The following KCNQ4 variants were observed in gnomAD, a reference collection of about 807,000 sequenced individuals.
KCNQ4 encodes potassium voltage-gated channel subfamily KQT member 4.
KCNQ4 carries 31 observed loss-of-function variants against 72.6 expected under a neutral mutation model. The ratio of observed to expected loss-of-function variants is 0.43; its 90% CI spans 0.32 to 0.58. The LOEUF (loss-of-function observed/expected upper bound fraction) is 0.58, where lower values mean the gene tolerates loss of function less well. Ranked by LOEUF, KCNQ4 falls within the 20% of genes least tolerant of loss-of-function variation. The pLI is 0.08. For missense variants in KCNQ4, 869 were observed against 962.6 expected, an observed-to-expected ratio of 0.90 and a Z score of 1.29; for synonymous variants, 405 against 403.7, an observed-to-expected ratio of 1.00 and a Z score of -0.04.
At chr1:40,806,512 T>G (rs931687760) in intron 1 of KCNQ4, among the ~76,000 whole-genome samples, 4 of 152,196 alleles carry the variant, frequency 2.6e-5, no homozygotes, top group Admixed American at 2.0e-4. Flanking sequence ...TTGGGGCTGG[T>G]GCAGGTGGGA....
Position 40,820,252 on chromosome 1 carries a change from C to G in KCNQ4, c.1033C>G (p.Leu345Val). Residue 345 changes from leucine to valine, a missense_variant, in exon 7 of 14, where the codon CTC becomes GTC. This residue lies in a region of KCNQ4 where 480 missense variants were observed against 501.9 expected (regional missense o/e 0.96). Transcript: ENST00000347132. Reference protein sequence around the residue: ...FEKRRMPAANLIQAAWRLYST... With the variant: ...FEKRRMPAANVIQAAWRLYST... ...GAAGCGGAGGATGCCGGCAGCCAAC[C>G]TCATCCAGGTACAAGATGCCCGGGA... 6.2e-7 allele frequency: 1 copy of G among 1,604,266 alleles called. No individual in the cohort carries two copies. The highest frequency in any genetic ancestry group is 8.5e-7 in the Non-Finnish European group (1 of 1,175,560).
At chr1:40,830,228 C>T (rs1303360070) in intron 9 of KCNQ4, among the ~76,000 whole-genome samples, 5 of 152,126 alleles carry the variant, frequency 3.3e-5, no homozygotes, top group Non-Finnish European at 5.9e-5. Flanking sequence ...AACATGTTAT[C>T]AAATAGAGAC....
chr1:40,786,195 T>A (rs1323519985), intron 1 of KCNQ4, among the ~76,000 whole-genome samples: 1 of 152,086 alleles, frequency 6.6e-6, no homozygotes. Flanking sequence ...AACTGTGCCC[T>A]CCGTGGGCTC....
intron 1 of KCNQ4, among the ~76,000 whole-genome samples, chr1:40,802,543 C>G (rs778634599): frequency 6.6e-6 from 1 of 151,964 alleles, no homozygotes; most frequent in African/African-American, 2.4e-5. Flanking sequence ...CCGGCATGCC[C>G]CGCCCATTTC....
intron 9 of KCNQ4, among the ~76,000 whole-genome samples, chr1:40,830,583 G>GCA (rs151080834): frequency 2.0e-5 from 3 of 151,646 alleles, no homozygotes; most frequent in South Asian, 2.1e-4. Flanking sequence ...GTGCATGCGC[G>GCA]CACACACACA....
rs1313166338 is a variant in KCNQ4 at position 40,822,743 on chromosome 1, G to C, written c.1130+341G>C. Among the ~76,000 whole-genome samples, 6 of 152,340 alleles carry C rather than the reference G, an allele frequency of 3.9e-5. No individual in the cohort carries two copies. The East Asian group carries it at 1.2e-3, about 29-fold the overall frequency. On this transcript the variant is annotated intron_variant, in intron 8 of 13. Coordinates refer to ENST00000347132, the MANE Select transcript of KCNQ4 (RefSeq NM_004700.4). ...AGCTCGTCTCCCCTCAGTCCTGAATGGGGGACAGAGTTAGTGGATATTGCA... is the reference window on the plus strand; with the variant it reads ...AGCTCGTCTCCCCTCAGTCCTGAATCGGGGACAGAGTTAGTGGATATTGCA...
intron 1 of KCNQ4, among the ~76,000 whole-genome samples, chr1:40,800,595 G>GCCTTACCCA (rs1647544011): frequency 1.3e-5 from 2 of 152,236 alleles, no homozygotes; most frequent in African/African-American, 4.8e-5. Flanking sequence ...AGAACTCTCA[G>GCCTTACCCA]GCTTCACAGG....
At chr1:40,804,172 A>G (rs1647679615) in intron 1 of KCNQ4, among the ~76,000 whole-genome samples, 1 of 152,214 alleles carries the variant, frequency 6.6e-6, no homozygotes, top group African/African-American at 2.4e-5. Flanking sequence ...AAACTGGGCA[A>G]TGCTTGAACC....
In KCNQ4 at chr1:40,824,268, C is replaced by T. The variant is rs775175283; in HGVS notation, c.1292+10C>T. 1 of 1,604,516 alleles carries T rather than the reference C, an allele frequency of 6.2e-7. No individual in the cohort carries two copies. Among genetic ancestry groups the T allele is most frequent in the Non-Finnish European group, 8.5e-7 (1 of 1,176,996 alleles). The stretch of plus-strand genomic sequence containing the variant: ...TCTGCCCTGGGGAAAGGTAGGGGCC[C>T]CGTGGGGCTGCCACCTCCTCTTGCT... On this transcript the variant is annotated intron_variant, in intron 9 of 13. Transcript: ENST00000347132.
intron 7 of KCNQ4, 41 bp from the exon 8 acceptor site, chr1:40,822,273 C>A: frequency 6.7e-7 from 1 of 1,493,238 alleles, no homozygotes; most frequent in Non-Finnish European, 9.3e-7. Context: ...GACTGAGAGG[C>A]CTCACTGATG....
At chr1:40,818,752 A>G (rs563711293) in intron 4 of KCNQ4, 72 bp downstream of exon 4, 63 of 1,500,310 alleles carry the variant, frequency 4.2e-5, no homozygotes, top group Admixed American at 5.9e-5. Context: ...CAGGGCGGAG[A>G]GGGCGAGGTC....
intron 4 of KCNQ4, 111 bp from the exon 5 acceptor site, chr1:40,819,236 G>A: frequency 1.5e-6 from 2 of 1,343,442 alleles, no homozygotes; most frequent in Non-Finnish European, 2.1e-6. Context: ...AGAAAAGCGA[G>A]CCTGGGACTC....
chr1:40,802,286 C>A lies in KCNQ4; in HGVS notation c.315-14979C>A, dbSNP rs145523720. 3.9e-5 allele frequency among the ~76,000 whole-genome samples: 6 copies of A among 151,994 alleles called. No individual in the cohort carries two copies. In the East Asian group the frequency reaches 1.2e-3, roughly 30 times the overall value. On this transcript the variant is annotated intron_variant, in intron 1 of 13. Transcript: ENST00000347132. ...GCGGTGGCGTCGCGTCCCCCCTCTC[C>A]GCCCCTGGCCTCGGGGACGCGGCGG...
chr1:40,831,025 T>A, intron 9 of KCNQ4, 59 bp from the exon 10 acceptor site: 7 of 1,385,678 alleles, frequency 5.1e-6, no homozygotes, highest in Non-Finnish European at 7.0e-6. Flanking sequence ...TTGTCCCCAC[T>A]CACCCCCACC....
rs1357242128 is a variant in KCNQ4, at chr1:40,784,797, C to T, written c.314+390C>T. On this transcript the variant is annotated intron_variant, in intron 1 of 13. Transcript: ENST00000347132. The surrounding 1 kb of genome is among the most constrained non-coding windows in gnomAD (Gnocchi z 4.1). ...CCCCTGCCTCCCTGTGTCCCAGACA[C>T]AAAGAGGAACCCTTGGCTCCCACAC... is the stretch of plus-strand genomic sequence containing the variant. 6.6e-6 allele frequency among the ~76,000 whole-genome samples: 1 copy of T among 152,132 alleles called. No individual in the cohort carries two copies. Among genetic ancestry groups the T allele is most frequent in the East Asian group, 1.9e-4 (1 of 5,172 alleles).
intron 1 of KCNQ4, among the ~76,000 whole-genome samples, chr1:40,807,270 A>G (rs1489401961): frequency 6.6e-6 from 1 of 151,770 alleles, no homozygotes; most frequent in Non-Finnish European, 1.5e-5. Context: ...TTTCTACCCC[A>G]CTGCTGGAGA....
chr1:40,831,511 G>C (rs866231267), intron 10 of KCNQ4, among the ~76,000 whole-genome samples: 1 of 152,224 alleles, frequency 6.6e-6, no homozygotes, highest in Non-Finnish European at 1.5e-5. Context: ...TGGGAATCAC[G>C]TGGAGGGTGG....
chr1:40,833,194 A>G lies in KCNQ4; in HGVS notation c.1613+81A>G, dbSNP rs553038437. The G allele has an allele frequency of 6.3e-5, 65 of 1,032,404 alleles. No individual in the cohort carries two copies. In the African/African-American group the frequency reaches 9.0e-4, roughly 14 times the overall value. The allele number at this position is 1,032,404 out of a possible 1,614,324, so 64.0% of individuals were successfully genotyped here. On this transcript the variant is annotated intron_variant, in intron 11 of 13. Coordinates refer to ENST00000347132, the MANE Select transcript of KCNQ4 (RefSeq NM_004700.4). ...CCCATCTGGGCGGGTGGATCACTTG[A>G]GGTCAGGAGTTTGAGACCAGCCTGG...
chr1:40,808,161 C>T (rs1647819275), intron 1 of KCNQ4, among the ~76,000 whole-genome samples: 1 of 151,730 alleles, frequency 6.6e-6, no homozygotes, highest in African/African-American at 2.4e-5. Context: ...CAGACACTGG[C>T]AGGGCTCAGT....
Sources: gnomAD v4.1 joint callset for allele counts (sites outside exome capture counted in the v4.1 genomes callset) on GRCh38, gnomAD v4.1.1 for gene constraint, gnomAD v4.1.1 regional missense constraint, Gnocchi (gnomAD v3.1) non-coding constraint, MANE v1.5 for transcripts, NCBI Gene and HGNC (gene_info 2026-07-23, HGNC 2026-07-21) for gene names.